Variants in LRRC37A2 observed in about 807,000 individuals in gnomAD.
LRRC37A2 encodes leucine-rich repeat-containing protein 37A2.
In LRRC37A2, 9 loss-of-function variants were observed where a neutral mutation model predicts 68.8. The observed-to-expected ratio is 0.13, with a 90% CI of 0.08 to 0.23. LRRC37A2 has a LOEUF of 0.23. LRRC37A2 is among the 10% of genes least tolerant of loss of function. The pLI is 1.00. For missense variants in LRRC37A2, 168 were observed against 950.4 expected (o/e 0.18, Z 10.82); for synonymous variants, 63 against 367.6 (o/e 0.17, Z 9.48).
chr17:46,934,461 G>T, the LRRC37A2 span, among the ~76,000 whole-genome samples: 1 of 152,120 alleles, frequency 6.6e-6, no homozygotes, highest in African/African-American at 2.4e-5. Context: ...GGCTAAGGTT[G>T]CAGTGAGCTG....
chr17:46,979,183 C>T, the LRRC37A2 span: 1 of 631,850 alleles, frequency 1.6e-6, no homozygotes. Context: ...CCCTGGGCAC[C>T]GGGCGGGAAG....
At chr17:46,823,190 A>ATATATATTTATATATAATATATTATATAT in the LRRC37A2 span, among the ~76,000 whole-genome samples, 26 of 126,796 alleles carry the variant, frequency 2.1e-4, no homozygotes, top group African/African-American at 8.6e-4. Flanking sequence ...ATAATATATT[A>ATATATATTTATATATAATATATTATATAT]TATATATTTA....
the LRRC37A2 span, among the ~76,000 whole-genome samples, chr17:46,707,770 G>A: frequency 1.3e-5 from 2 of 152,082 alleles, no homozygotes; most frequent in African/African-American, 4.8e-5. Flanking sequence ...GGTGGCTCTT[G>A]CCTGTAATCC....
the LRRC37A2 span, chr17:46,978,440 A>G: frequency 1.8e-6 from 1 of 554,612 alleles, no homozygotes. Flanking sequence ...CCACCCCGCA[A>G]CGCTGCAGCG....
At chr17:46,896,114 TA>T in the LRRC37A2 span, among the ~76,000 whole-genome samples, 12 of 151,220 alleles carry the variant, frequency 7.9e-5, no homozygotes, top group African/African-American at 1.9e-4. Context: ...CCGTCTCTAC[TA>T]AAAAAACCAA....
At chr17:46,841,447 A>T in the LRRC37A2 span, among the ~76,000 whole-genome samples, 1 of 152,122 alleles carries the variant, frequency 6.6e-6, no homozygotes, top group Non-Finnish European at 1.5e-5. Flanking sequence ...TGTCCCAGGC[A>T]CCTCTGGGCG....
the LRRC37A2 span, chr17:46,830,517 A>C: frequency 2.5e-6 from 1 of 395,764 alleles, no homozygotes; most frequent in Non-Finnish European, 4.4e-6. Context: ...AAGGGCTGGG[A>C]TTACAGGCAT....
chr17:46,385,305 C>T, the LRRC37A2 span, among the ~76,000 whole-genome samples: 2 of 36,598 alleles, frequency 5.5e-5, no homozygotes, highest in Non-Finnish European at 1.2e-4. Flanking sequence ...AGTAAATTAT[C>T]ACTTCTGACA....
chr17:46,925,607 A>G, the LRRC37A2 span, among the ~76,000 whole-genome samples: 15 of 152,346 alleles, frequency 9.8e-5, no homozygotes, highest in Middle Eastern at 6.8e-3. Context: ...TGATGACTGA[A>G]TGACTTTCAC....
chr17:46,930,877 C>T, the LRRC37A2 span: 2 of 486,448 alleles, frequency 4.1e-6, no homozygotes, highest in Non-Finnish European at 7.3e-6. Flanking sequence ...AAAAAATTGG[C>T]ATTGTTATGT....
chr17:47,013,295 A>G, the LRRC37A2 span, among the ~76,000 whole-genome samples: 5 of 152,218 alleles, frequency 3.3e-5, no homozygotes, highest in African/African-American at 9.6e-5. Context: ...ATAACTCTGC[A>G]AATATACTAA....
chr17:46,525,535 C>T (rs1411308495), intron 6 of LRRC37A2, among the ~76,000 whole-genome samples: 4 of 111,130 alleles, frequency 3.6e-5, no homozygotes, highest in East Asian at 2.5e-4. Context: ...TGCAGTGAGC[C>T]GAGATGGCAC....
At chr17:46,819,251 G>C in the LRRC37A2 span, among the ~76,000 whole-genome samples, 1 of 152,192 alleles carries the variant, frequency 6.6e-6, no homozygotes, top group East Asian at 1.9e-4. The surrounding 1 kb of genome is among the most constrained non-coding windows in gnomAD (Gnocchi z 5.3). Context: ...TCCTGGCCGC[G>C]GGAGGTCACT....
the LRRC37A2 span, among the ~76,000 whole-genome samples, chr17:46,882,725 C>A: frequency 4.6e-5 from 7 of 152,182 alleles, no homozygotes; most frequent in African/African-American, 1.7e-4. Context: ...ACCGATCATG[C>A]AGCAAACACG....
chr17:46,773,546 ATCACCCTCCCAGAGGGACCCTGGC>A, the LRRC37A2 span: 1 of 1,171,726 alleles, frequency 8.5e-7, no homozygotes, highest in East Asian at 2.6e-5. Flanking sequence ...AACCAAATTT[ATCACCCTCCCAGAGGGACCCTGGC>A]TTCAGAGAAG....
chr17:46,988,044 C>T, the LRRC37A2 span, among the ~76,000 whole-genome samples: 105 of 152,158 alleles, frequency 6.9e-4, no homozygotes, highest in African/African-American at 2.4e-3. Flanking sequence ...TGGTGGCACA[C>T]GCCTATAGTC....
the LRRC37A2 span, among the ~76,000 whole-genome samples, chr17:46,410,114 A>G: frequency 9.2e-6 from 1 of 108,598 alleles, no homozygotes; most frequent in Non-Finnish European, 2.0e-5. Context: ...TTAGAGAAAG[A>G]GCTCAAACAC....
At chr17:47,024,391 T>C in the LRRC37A2 span, among the ~76,000 whole-genome samples, 8 of 152,094 alleles carry the variant, frequency 5.3e-5, no homozygotes, top group Non-Finnish European at 1.2e-4. Flanking sequence ...CACCCAGAGT[T>C]GATTCTAAAA....
At chr17:46,849,088 A>G in the LRRC37A2 span, among the ~76,000 whole-genome samples, 1 of 152,194 alleles carries the variant, frequency 6.6e-6, no homozygotes, top group Non-Finnish European at 1.5e-5. Context: ...GCTGGAAGGC[A>G]CCCCAGCAGA....
Sources: gnomAD v4.1 joint callset for allele counts (sites outside exome capture counted in the v4.1 genomes callset) on GRCh38, gnomAD v4.1.1 for gene constraint, Gnocchi (gnomAD v3.1) non-coding constraint, MANE v1.5 for transcripts, NCBI Gene and HGNC (gene_info 2026-07-23, HGNC 2026-07-21) for gene names.